Variants in SEPTIN7 observed in about 807,000 individuals in gnomAD.
SEPTIN7 encodes septin-7.
A neutral mutation model predicts 63.3 loss-of-function variants in SEPTIN7; 10 were observed. The ratio of observed to expected loss-of-function variants is 0.16; its 90% CI spans 0.10 to 0.27. The LOEUF is 0.27. Ranked by LOEUF, SEPTIN7 falls within the 10% of genes least tolerant of loss-of-function variation. SEPTIN7 has a pLI of 1.00. For missense variants in SEPTIN7, 310 were observed against 521.0 expected, an observed-to-expected ratio of 0.59 and a Z score of 3.94; for synonymous variants, 131 against 165.3, an observed-to-expected ratio of 0.79 and a Z score of 1.59.
rs116337361 is a variant in SEPTIN7, at chr7:35,830,447, G to T, written c.62-1045G>T. The stretch of plus-strand genomic sequence containing the variant: ...AAATACTGATGGATGGGTTTCGCTT[G>T]CAGAGATTAATGTAATTGATCTGGA... On this transcript the variant is annotated intron_variant, in intron 1 of 13. Transcript: ENST00000350320. 2.3e-3 allele frequency among the ~76,000 whole-genome samples: 347 copies of T among 152,286 alleles called. 1 individual carries two copies. Among genetic ancestry groups the T allele is most frequent in the African/African-American group, 7.7e-3 (321 of 41,538 alleles).
chr7:35,867,434 C>T (rs935980930), intron 4 of SEPTIN7, among the ~76,000 whole-genome samples: 2 of 152,222 alleles, frequency 1.3e-5, no homozygotes, highest in Non-Finnish European at 2.9e-5. Flanking sequence ...ACTACAACCT[C>T]CACCTCCAAA....
intron 1 of SEPTIN7, among the ~76,000 whole-genome samples, chr7:35,828,466 C>T (rs1178302783): frequency 6.6e-6 from 1 of 152,094 alleles, no homozygotes; most frequent in Non-Finnish European, 1.5e-5. Flanking sequence ...ACCTCTGCCT[C>T]CCAGGTTCAA....
intron 11 of SEPTIN7, among the ~76,000 whole-genome samples, chr7:35,895,873 C>T (rs922552149): frequency 3.3e-5 from 5 of 152,174 alleles, no homozygotes; most frequent in East Asian, 1.9e-4. Context: ...TACAGTGGCA[C>T]GATCTTGGCT....
At chr7:35,893,270 G>T (rs1370596997) in intron 11 of SEPTIN7, among the ~76,000 whole-genome samples, 1 of 152,004 alleles carries the variant, frequency 6.6e-6, no homozygotes, top group African/African-American at 2.4e-5. Context: ...TAGTGGGGAG[G>T]GGTTGAGAGT....
At chr7:35,867,823 TG>T (rs1364123408) in intron 4 of SEPTIN7, among the ~76,000 whole-genome samples, 37 of 152,098 alleles carry the variant, frequency 2.4e-4, no homozygotes, top group African/African-American at 8.2e-4. Context: ...AGTTCTTAGT[TG>T]GAAACTACGC....
chr7:35,845,565 T>A (rs531471970), intron 3 of SEPTIN7, among the ~76,000 whole-genome samples: 1 of 152,334 alleles, frequency 6.6e-6, no homozygotes, highest in East Asian at 1.9e-4. Context: ...ATTCTTTTCC[T>A]TCTTAAAACA....
Position 35,801,166 on chromosome 7 carries a change from G to A in SEPTIN7, c.-44G>A. 1 of 1,453,784 alleles carries A rather than the reference G, an allele frequency of 6.9e-7. No individual in the cohort carries two copies. The highest frequency in any genetic ancestry group is 9.1e-7 in the Non-Finnish European group (1 of 1,096,420). 90.1% of individuals were successfully genotyped at this position (1,453,784 alleles called of 1,614,324 possible). On this transcript the variant is annotated 5_prime_UTR_variant, in exon 1 of 14. Transcript: ENST00000350320. ...CGGCGTAGGCGCCTTTGGAGAATCG[G>A]CGGGCTGCGCTCCGCTGGGGCTGGT...
chr7:35,915,029 G>A, the SEPTIN7 span, among the ~76,000 whole-genome samples: 1 of 150,292 alleles, frequency 6.7e-6, no homozygotes, highest in Non-Finnish European at 1.5e-5. Context: ...ATGTATACAT[G>A]CACGTACATA....
intron 1 of SEPTIN7, among the ~76,000 whole-genome samples, chr7:35,810,795 C>A (rs966826930): frequency 6.6e-6 from 1 of 150,608 alleles, no homozygotes; most frequent in African/African-American, 2.4e-5. Context: ...GAGACAGAGG[C>A]TCGCTCTGTC....
chr7:35,863,507 G>A lies in SEPTIN7; in HGVS notation c.170-45G>A, dbSNP rs565469687. Reference sequence around the variant, plus strand: ...GCATCTGTTGAATATTTAAGATTGCGTAAAGTGGGTGAGTTTAACAGATAT... The same window carrying A: ...GCATCTGTTGAATATTTAAGATTGCATAAAGTGGGTGAGTTTAACAGATAT... On this transcript the variant is annotated intron_variant, in intron 3 of 13. Transcript: ENST00000350320. 131 of 1,178,170 alleles carry A rather than the reference G, an allele frequency of 1.1e-4. No individual in the cohort carries two copies. In the Middle Eastern group the frequency reaches 1.7e-3, roughly 15 times the overall value. 73.0% of individuals were successfully genotyped at this position (1,178,170 alleles called of 1,614,324 possible).
At chr7:35,801,427 C>A in intron 1 of SEPTIN7, 157 bp downstream of exon 1, 2 of 484,512 alleles carry the variant, frequency 4.1e-6, no homozygotes, top group Non-Finnish European at 5.4e-6. Flanking sequence ...CGGGGCGCGG[C>A]AGCGGCGGGC....
At chr7:35,826,445 T>C (rs556068360) in intron 1 of SEPTIN7, among the ~76,000 whole-genome samples, 2 of 151,116 alleles carry the variant, frequency 1.3e-5, no homozygotes, top group African/African-American at 4.8e-5. Flanking sequence ...ATTGGAGTTA[T>C]TTAGAAAAGA....
intron 4 of SEPTIN7, among the ~76,000 whole-genome samples, chr7:35,867,526 T>C (rs1192791799): frequency 6.6e-6 from 1 of 151,056 alleles, no homozygotes; most frequent in Non-Finnish European, 1.5e-5. Flanking sequence ...ATTTTTGTAT[T>C]TTTAGTAGAG....
intron 1 of SEPTIN7, among the ~76,000 whole-genome samples, chr7:35,820,157 T>G (rs950269453): frequency 2.4e-4 from 37 of 152,152 alleles, no homozygotes; most frequent in African/African-American, 8.2e-4. Context: ...TTACAGTCTC[T>G]TATACATATA....
At chr7:35,897,769 G>GT (rs1235383158) in intron 11 of SEPTIN7, among the ~76,000 whole-genome samples, 4 of 152,068 alleles carry the variant, frequency 2.6e-5, no homozygotes, top group Admixed American at 1.3e-4. Context: ...TGTTTCCAAC[G>GT]TATCAGTTCA....
chr7:35,807,190 T>TC (rs1196821404), intron 1 of SEPTIN7, among the ~76,000 whole-genome samples: 3 of 151,772 alleles, frequency 2.0e-5, no homozygotes, highest in African/African-American at 7.3e-5. Flanking sequence ...TTAAAACTTT[T>TC]TTTTTTTTTT....
chr7:35,898,806 A>G (rs1292148928), intron 12 of SEPTIN7: 1 of 153,018 alleles, frequency 6.5e-6, no homozygotes, highest in Non-Finnish European at 1.5e-5. Context: ...AAAGAGGGAA[A>G]TAACCTTTAT....
At chr7:35,837,112 A>G (rs1784120923) in intron 3 of SEPTIN7, among the ~76,000 whole-genome samples, 1 of 152,224 alleles carries the variant, frequency 6.6e-6, no homozygotes, top group African/African-American at 2.4e-5. Flanking sequence ...TCTAGCTGTT[A>G]AATCTGAATA....
rs1232248015 is a variant in SEPTIN7 at position 35,906,923 on chromosome 7, C to G, written c.*2630C>G. 6.6e-6 allele frequency: 1 copy of G among 152,172 alleles called. No homozygotes were observed. The highest frequency in any genetic ancestry group is 2.1e-4 in the South Asian group (1 of 4,830). The allele number at this position is 152,172 out of a possible 1,614,324, so 9.4% of individuals were successfully genotyped here. The stretch of plus-strand genomic sequence containing the variant: ...GAATGCATGAGGAGCGAAATGTTGA[C>G]TCAGTTATCTAGATCATGGTCTCCA... On this transcript the variant is annotated 3_prime_UTR_variant, in exon 14 of 14. Coordinates refer to ENST00000350320, the MANE Select transcript of SEPTIN7 (RefSeq NM_001788.6).
Sources: gnomAD v4.1 joint callset for allele counts (sites outside exome capture counted in the v4.1 genomes callset) on GRCh38, gnomAD v4.1.1 for gene constraint, MANE v1.5 for transcripts, NCBI Gene and HGNC (gene_info 2026-07-23, HGNC 2026-07-21) for gene names.